Variants in EEF1E1 observed in about 807,000 individuals in gnomAD.
EEF1E1 encodes the protein eukaryotic translation elongation factor 1 epsilon 1, also known as eukaryotic translation elongation factor 1 epsilon-1.
In EEF1E1, 19 loss-of-function variants were observed where a neutral mutation model predicts 19.9. The ratio of observed to expected loss-of-function variants is 0.95; its 90% CI spans 0.66 to 1.40. The LOEUF (loss-of-function observed/expected upper bound fraction) is 1.40. Ranked by LOEUF, EEF1E1 falls within the 40% of genes most tolerant of loss-of-function variation. EEF1E1 has a pLI of 0.00. For missense variants in EEF1E1, 198 were observed against 202.2 expected (o/e 0.98, Z 0.13); for synonymous variants, 81 against 80.0 (o/e 1.01, Z -0.07).
chr6:8,092,380 A>G lies in EEF1E1; in HGVS notation c.289-2099T>C, dbSNP rs145462974. 5.6e-3 allele frequency among the ~76,000 whole-genome samples: 852 copies of G among 152,370 alleles called. 6 individuals carry two copies. The highest frequency in any genetic ancestry group is 0.018 in the African/African-American group (741 of 41,590). ...TTTGCAAACAAAGTTAACATGATAC[A>G]TACTCAACATGAAGATAATGATGAA... On this transcript the variant is annotated intron_variant, in intron 2 of 3. Transcript: ENST00000379715.
At chr6:8,082,709 G>A (rs984584991) in intron 3 of EEF1E1, among the ~76,000 whole-genome samples, 4 of 152,192 alleles carry the variant, frequency 2.6e-5, no homozygotes, top group Non-Finnish European at 5.9e-5. Context: ...TTTTCAAAAA[G>A]GATGAGGTTA....
chr6:8,088,320 T>A (rs1372035041), intron 3 of EEF1E1, among the ~76,000 whole-genome samples: 3 of 152,126 alleles, frequency 2.0e-5, no homozygotes, highest in Non-Finnish European at 2.9e-5. Context: ...GAGAGGAGAT[T>A]CAGGTAAGAG....
At chr6:8,097,617 A>C (rs1304705761) in intron 1 of EEF1E1, 150 bp from the exon 2 acceptor site, 1 of 639,506 alleles carries the variant, frequency 1.6e-6, no homozygotes, top group Non-Finnish European at 2.7e-6. Flanking sequence ...ATGAAAGTCT[A>C]GAAAATAACA....
At chr6:8,098,125 T>C (rs567568483) in intron 1 of EEF1E1, among the ~76,000 whole-genome samples, 1 of 152,206 alleles carries the variant, frequency 6.6e-6, no homozygotes, top group East Asian at 1.9e-4. Context: ...AGTATCTTTT[T>C]TTTTTTTCAT....
intron 3 of EEF1E1, among the ~76,000 whole-genome samples, chr6:8,089,684 T>G (rs986060307): frequency 1.3e-5 from 2 of 152,220 alleles, no homozygotes; most frequent in Non-Finnish European, 2.9e-5. Flanking sequence ...ACACCCAGGA[T>G]TAATACTTTG....
At chr6:8,095,334 C>T in intron 2 of EEF1E1, 1 of 413,902 alleles carries the variant, frequency 2.4e-6, no homozygotes, top group East Asian at 9.5e-5. Context: ...AACCCTATCT[C>T]TACTAAAAAC....
At chr6:8,099,107 C>T (rs1378579604) in intron 1 of EEF1E1, among the ~76,000 whole-genome samples, 1 of 152,064 alleles carries the variant, frequency 6.6e-6, no homozygotes, top group African/African-American at 2.4e-5. Context: ...ATACACAATT[C>T]TTATGAGACA....
chr6:8,093,329 T>TA (rs2113658015), intron 2 of EEF1E1, among the ~76,000 whole-genome samples: 1 of 132,994 alleles, frequency 7.5e-6, no homozygotes, highest in African/African-American at 2.5e-5. Flanking sequence ...GCTTCCTTTT[T>TA]TTTTTTTTTT....
At chr6:8,093,678 A>G (rs548955383) in intron 2 of EEF1E1, among the ~76,000 whole-genome samples, 1 of 152,198 alleles carries the variant, frequency 6.6e-6, no homozygotes, top group East Asian at 1.9e-4. Flanking sequence ...AATAATAAAA[A>G]CCTATACAGC....
At chr6:8,102,363 CG>C in intron 1 of EEF1E1, 71 bp downstream of exon 1, 2 of 1,472,094 alleles carry the variant, frequency 1.4e-6, no homozygotes. Context: ...GTGGCCGGCC[CG>C]GGTCCTGCCA....
chr6:8,096,438 G>C (rs1758176502), intron 2 of EEF1E1, among the ~76,000 whole-genome samples: 1 of 152,188 alleles, frequency 6.6e-6, no homozygotes, highest in Non-Finnish European at 1.5e-5. Context: ...TTCTGAAACT[G>C]ACTTTGTACC....
intron 2 of EEF1E1, among the ~76,000 whole-genome samples, chr6:8,091,720 T>C (rs1264118220): frequency 6.6e-6 from 1 of 152,200 alleles, no homozygotes; most frequent in Non-Finnish European, 1.5e-5. Flanking sequence ...TCATAAAACC[T>C]TCAGAGAAAG....
At position 8,079,980 on chromosome 6, in the gene EEF1E1, C is replaced by T; in HGVS notation, c.435G>A (p.Trp145Ter). ...CTGGATAATGCTGAATGTGACAAAA[C>T]CAGCGAGACACATTAAGATATTTCT... is the stretch of plus-strand genomic sequence containing the variant. ...EKEKYLNVSR[W>*]FCHIQHYPGI... Residue 145 changes from tryptophan to a stop codon, truncating the protein, a stop_gained, in exon 4 of 4, where the codon TGG becomes TGA. Coordinates refer to ENST00000379715, the MANE Select transcript of EEF1E1 (RefSeq NM_004280.5). LOFTEE classifies it high-confidence loss of function. 6.2e-7 allele frequency: 1 copy of T among 1,613,598 alleles called. No individual in the cohort carries two copies. Among genetic ancestry groups the T allele is most frequent in the Non-Finnish European group, 8.5e-7 (1 of 1,179,886 alleles).
intron 3 of EEF1E1, 86 bp downstream of exon 3, chr6:8,090,100 G>A (rs537746702): frequency 1.9e-5 from 22 of 1,178,400 alleles, no homozygotes; most frequent in Non-Finnish European, 2.6e-5. Context: ...AGCCAAAAAT[G>A]CAAATCTGAT....
chr6:8,085,450 G>A (rs911047698), intron 3 of EEF1E1, among the ~76,000 whole-genome samples: 13 of 152,132 alleles, frequency 8.5e-5, no homozygotes, highest in African/African-American at 2.9e-4. Flanking sequence ...ATCATGCCCA[G>A]CCTTAATATT....
chr6:8,098,979 C>T (rs1401075249), intron 1 of EEF1E1, among the ~76,000 whole-genome samples: 2 of 152,198 alleles, frequency 1.3e-5, no homozygotes, highest in Admixed American at 6.5e-5. Context: ...TAAGTCATCT[C>T]ATCCTCATTT....
In EEF1E1 at chr6:8,101,244, ATATATATATATATATATATAT is replaced by A. The variant is rs1482211884; in HGVS notation, c.87+1170_87+1190del. ...TTGTCTCAAAAAAAAAAAAAAAAAAATATATATATATATATATATATATATATATATATATATATGGCACTC... is the reference window on the plus strand; with the variant it reads ...TTGTCTCAAAAAAAAAAAAAAAAAAAATATATATATATATATATGGCACTC... On this transcript the variant is annotated intron_variant, in intron 1 of 3. Coordinates refer to ENST00000379715, the MANE Select transcript of EEF1E1 (RefSeq NM_004280.5). Among the ~76,000 whole-genome samples the A allele has an allele frequency of 9.6e-5, 4 of 41,636 alleles. No homozygotes were observed. In the East Asian group the frequency reaches 2.8e-3, roughly 29 times the overall value. 27.3% of individuals were successfully genotyped at this position (41,636 alleles called of 152,430 possible). A position where few individuals can be genotyped will look rare whatever the true frequency, so the allele number is the denominator to read the frequency against.
At chr6:8,099,789 C>G (rs200216658) in intron 1 of EEF1E1, among the ~76,000 whole-genome samples, 2 of 89,554 alleles carry the variant, frequency 2.2e-5, no homozygotes, top group African/African-American at 8.3e-5. Context: ...CACACACACA[C>G]ACAAAAAAAA....
In EEF1E1 at chr6:8,101,649, A is replaced by C. The variant is rs904253489; in HGVS notation, c.87+786T>G. On this transcript the variant is annotated intron_variant, in intron 1 of 3. Transcript: ENST00000379715. The stretch of plus-strand genomic sequence containing the variant: ...AAAAAATCTCAAAGGAGCAAAAAAA[A>C]CATATATCCAAAGTAGTCTTCCTAC... 69 of 868,726 alleles carry C rather than the reference A, an allele frequency of 7.9e-5. 1 individual carries two copies. Among genetic ancestry groups the C allele is most frequent in the South Asian group, 7.9e-4 (42 of 52,896 alleles). 53.8% of individuals were successfully genotyped at this position (868,726 alleles called of 1,614,324 possible). A position where few individuals can be genotyped will look rare whatever the true frequency, so the allele number is the denominator to read the frequency against.
Sources: gnomAD v4.1 joint callset for allele counts (sites outside exome capture counted in the v4.1 genomes callset) on GRCh38, gnomAD v4.1.1 for gene constraint, MANE v1.5 for transcripts, NCBI Gene and HGNC (gene_info 2026-07-23, HGNC 2026-07-21) for gene names.